EPB41L3: variants seen among roughly 807,000 people sequenced by gnomAD.
The protein encoded by EPB41L3 is band 4.1-like protein 3.
Under a neutral mutation model 127.1 loss-of-function variants are expected in EPB41L3, and 57 were observed. The observed-to-expected ratio is 0.45, with a 90% CI of 0.36 to 0.56. The LOEUF (loss-of-function observed/expected upper bound fraction) is 0.56. EPB41L3 is among the 20% of genes least tolerant of loss of function. The pLI is 0.00. For synonymous variants in EPB41L3, 572 were observed against 549.5 expected (o/e 1.04, Z -0.57); for missense variants, 1,273 against 1,372.2 (o/e 0.93, Z 1.14).
intron 3 of EPB41L3, among the ~76,000 whole-genome samples, chr18:5,550,715 G>A (rs554927498): frequency 2.5e-4 from 38 of 152,240 alleles, no homozygotes; most frequent in South Asian, 2.5e-3. Flanking sequence ...ATAAATTCCT[G>A]TCCAACTGGG....
intron 3 of EPB41L3, among the ~76,000 whole-genome samples, chr18:5,611,539 G>C (rs1236603896): frequency 6.6e-6 from 1 of 152,196 alleles, no homozygotes; most frequent in East Asian, 1.9e-4. Flanking sequence ...CTGGAGATTA[G>C]TTGTAAAACA....
Position 5,529,771 on chromosome 18 carries a change from C to T in EPB41L3, c.-12+14142G>A, listed in dbSNP as rs1023311747. On this transcript the variant is annotated intron_variant, in intron 1 of 22. Coordinates refer to ENST00000341928, the MANE Select transcript of EPB41L3 (RefSeq NM_012307.5). ...AGCTTCTATGGCTTTCATTACCTTC[C>T]TATCTGGAGGATTCTGAGTCTTGAT... Among the ~76,000 whole-genome samples, 5 of 152,266 alleles carry T rather than the reference C, an allele frequency of 3.3e-5. No homozygotes were observed. In the East Asian group the frequency reaches 7.7e-4, roughly 23 times the overall value.
intron 3 of EPB41L3, among the ~76,000 whole-genome samples, chr18:5,453,776 G>T (rs1379936077): frequency 6.6e-6 from 1 of 152,070 alleles, no homozygotes; most frequent in Non-Finnish European, 1.5e-5. Context: ...TTACTGCCCT[G>T]GTACAGTGTC....
At chr18:5,446,880 T>C (rs2081553566) in intron 3 of EPB41L3, among the ~76,000 whole-genome samples, 2 of 152,244 alleles carry the variant, frequency 1.3e-5, no homozygotes, top group Admixed American at 1.3e-4. Context: ...CTTGCTGGTT[T>C]AAATCATTTG....
chr18:5,532,702 A>C (rs1362874006), intron 1 of EPB41L3, among the ~76,000 whole-genome samples: 1 of 152,172 alleles, frequency 6.6e-6, no homozygotes, highest in Admixed American at 6.5e-5. Flanking sequence ...TTTGGAGAAG[A>C]GATCATTCAG....
At chr18:5,544,018 A>G, upstream of EPB41L3, 1 of 985,348 alleles carries the variant, frequency 1.0e-6, no homozygotes, top group Non-Finnish European at 1.2e-6. Context: ...AGGAAGCCGC[A>G]GCCCAGGGCT....
chr18:5,406,991 C>G (rs372750687), intron 15 of EPB41L3, 23 bp from the exon 16 acceptor site: 2 of 1,598,266 alleles, frequency 1.3e-6, no homozygotes, highest in Non-Finnish European at 1.7e-6. Context: ...CATAAAGTAT[C>G]CAACAGTCAA....
chr18:5,509,885 T>C (rs1015494956), intron 1 of EPB41L3, among the ~76,000 whole-genome samples: 1 of 152,154 alleles, frequency 6.6e-6, no homozygotes, highest in African/African-American at 2.4e-5. Context: ...ATCATTAAAA[T>C]AGCTAAACAC....
chr18:5,415,739 T>C, intron 13 of EPB41L3, 79 bp downstream of exon 13: 2 of 1,405,092 alleles, frequency 1.4e-6, no homozygotes, highest in Non-Finnish European at 1.9e-6. Flanking sequence ...AGGACCACTA[T>C]GGCAGCAGCC....
intron 2 of EPB41L3, chr18:5,480,910 A>G (rs558526885): frequency 6.6e-6 from 1 of 152,360 alleles, no homozygotes; most frequent in South Asian, 2.1e-4. Flanking sequence ...AAGAGGAAAG[A>G]AGGAAGAAAA....
intron 3 of EPB41L3, among the ~76,000 whole-genome samples, chr18:5,454,517 T>C (rs1164509161): frequency 1.3e-5 from 2 of 152,218 alleles, no homozygotes; most frequent in Non-Finnish European, 2.9e-5. Flanking sequence ...TTTCAGCCTA[T>C]GTACTAATCC....
In EPB41L3 at chr18:5,601,748, T is replaced by C. The variant is rs1045828491; in HGVS notation, c.-306+10592A>G. ...AAGTAGGTATTTACATCTGTTACAC[T>C]AAAATGATTATGAAAAACAAATTTT... is the stretch of plus-strand genomic sequence containing the variant. On this transcript the variant is annotated intron_variant, in intron 3 of 21. Coordinates refer to the EPB41L3 transcript ENST00000545076. Among the ~76,000 whole-genome samples, 5 of 152,212 alleles carry C rather than the reference T, an allele frequency of 3.3e-5. 1 individual carries two copies. The highest frequency in any genetic ancestry group is 1.2e-4 in the African/African-American group (5 of 41,464).
intron 3 of EPB41L3, among the ~76,000 whole-genome samples, chr18:5,472,197 C>T (rs1249457915): frequency 1.3e-5 from 2 of 151,974 alleles, no homozygotes; most frequent in Non-Finnish European, 2.9e-5. Flanking sequence ...TTAATGAAAC[C>T]TTATTGAGAC....
chr18:5,401,384 T>C (rs2074468655), intron 16 of EPB41L3, among the ~76,000 whole-genome samples: 1 of 152,178 alleles, frequency 6.6e-6, no homozygotes, highest in African/African-American at 2.4e-5. Context: ...ATTTAAACCA[T>C]GTTTATGTTG....
chr18:5,458,631 C>T (rs754403149), intron 3 of EPB41L3, among the ~76,000 whole-genome samples: 1 of 152,030 alleles, frequency 6.6e-6, no homozygotes, highest in Non-Finnish European at 1.5e-5. Context: ...ATTCTCTCGC[C>T]CTATCTAACT....
At chr18:5,500,508 C>CA (rs777666114) in intron 1 of EPB41L3, among the ~76,000 whole-genome samples, 67 of 152,210 alleles carry the variant, frequency 4.4e-4, no homozygotes, top group Admixed American at 4.1e-3. Flanking sequence ...AAGGTTATGG[C>CA]AAAAAACTCC....
At chr18:5,499,846 T>C (rs2091580113) in intron 1 of EPB41L3, among the ~76,000 whole-genome samples, 1 of 150,052 alleles carries the variant, frequency 6.7e-6, no homozygotes, top group African/African-American at 2.5e-5. Flanking sequence ...TATATATATA[T>C]ATGGCATTAC....
chr18:5,417,489 G>A (rs1269067443), intron 12 of EPB41L3, among the ~76,000 whole-genome samples: 1 of 152,150 alleles, frequency 6.6e-6, no homozygotes, highest in South Asian at 2.1e-4. Context: ...GCTGCAGGCC[G>A]GGAAATCCAA....
chr18:5,416,024 A>C lies in EPB41L3; in HGVS notation c.1861T>G (p.Leu621Val). Residue 621 changes from leucine (L) to valine (V), a missense_variant, in exon 13 of 23, where the codon TTG becomes GTG. By Grantham distance (32) the Leu-to-Val change is conservative. Coordinates refer to ENST00000341928, the MANE Select transcript of EPB41L3 (RefSeq NM_012307.5). Reference sequence around the variant, plus strand: ...GAGCGGATCGGGAGGTAATGCTGCAAGCTCTGGGGCAGGAGGTTGGTTTCA... The same window carrying C: ...GAGCGGATCGGGAGGTAATGCTGCACGCTCTGGGGCAGGAGGTTGGTTTCA... ...LSETNLLPQS[L>V]QHYLPIRSPS... is the part of the protein sequence containing the mutation. 1 of 1,614,030 alleles carries C rather than the reference A, an allele frequency of 6.2e-7. No individual in the cohort carries two copies.
Sources: gnomAD v4.1 joint callset for allele counts (sites outside exome capture counted in the v4.1 genomes callset) on GRCh38, gnomAD v4.1.1 for gene constraint, MANE v1.5 for transcripts, NCBI Gene and HGNC (gene_info 2026-07-23, HGNC 2026-07-21) for gene names.